MYOT: variants seen among roughly 807,000 people sequenced by gnomAD.
MYOT encodes myotilin, also known as 57 kDa cytoskeletal protein.
A neutral mutation model predicts 58.0 loss-of-function variants in MYOT; 36 were observed. The ratio of observed to expected loss-of-function variants is 0.62; its 90% CI spans 0.48 to 0.82. MYOT has a LOEUF of 0.82. Among genes scored for constraint, MYOT ranks in the 40% least tolerant of loss-of-function variants. The probability of loss-of-function intolerance (pLI) is 0.00; values close to 1 mark genes in which losing one functional copy is unlikely to be tolerated. For synonymous variants in MYOT, 218 were observed against 204.6 expected (o/e 1.07, Z -0.56); for missense variants, 505 against 592.1 (o/e 0.85, Z 1.53).
At position 137,881,989 on chromosome 5, in the gene MYOT, AG is replaced by A. The variant is rs1755447927; in HGVS notation, c.704del (p.Gly235GlufsTer3). ...TSQVRSRSTS[R>X]GDVNDQDAIQ... ...TTCTTGTAGAAGTAGATCAACCTCA[AG>A]GGGAGATGTGAATGATCAGGATGCA... On this transcript the variant is annotated frameshift_variant, in exon 6 of 10. Coordinates refer to ENST00000239926, the MANE Select transcript of MYOT (RefSeq NM_006790.3). LOFTEE classifies it high-confidence loss of function. 6.2e-7 allele frequency: 1 copy of A among 1,614,060 alleles called. No homozygotes were observed. The highest frequency in any genetic ancestry group is 1.3e-5 in the African/African-American group (1 of 75,074).
intron 6 of MYOT, 199 bp from the exon 7 acceptor site, chr5:137,883,185 T>A (rs774572811): frequency 8.2e-5 from 47 of 576,344 alleles, no homozygotes; most frequent in Non-Finnish European, 1.4e-4. Context: ...TGAGACAGTC[T>A]AAAAATACTA....
At chr5:137,885,976 A>ATAATACCTTGG in intron 7 of MYOT, 72 bp from the exon 8 acceptor site, 1 of 1,053,082 alleles carries the variant, frequency 9.5e-7, no homozygotes, top group Non-Finnish European at 1.4e-6. Context: ...TACAAATTTC[A>ATAATACCTTGG]TAATACCTTG....
In MYOT at chr5:137,870,542, T is replaced by C. The variant is rs1755012441; in HGVS notation, c.-110T>C. 2.0e-6 allele frequency: 2 copies of C among 988,242 alleles called. No homozygotes were observed. The highest frequency in any genetic ancestry group is 2.6e-5 in the South Asian group (2 of 78,028). 61.2% of individuals were successfully genotyped at this position (988,242 alleles called of 1,614,324 possible). A position where few individuals can be genotyped will look rare whatever the true frequency, so the allele number is the denominator to read the frequency against. On this transcript the variant is annotated 5_prime_UTR_variant, in exon 2 of 10. Coordinates refer to ENST00000239926, the MANE Select transcript of MYOT (RefSeq NM_006790.3). ...CAGACCAAGGTTGCTTCTGATTCCT[T>C]ACAACCTTCCGTAATTCCAGGCTTG...
In MYOT at chr5:137,886,190, A is replaced by G. The variant is rs774149129; in HGVS notation, c.1167A>G (p.Val389=). ...TCTGGAAAAGAAATAATGAAATGGT[A>G]CAATTCAACACTGACCGAATAAGGT... ...KLFWKRNNEM[V]QFNTDRISLY... is the part of the protein sequence containing the mutation. The change falls in exon 8 of 10, where the codon GTA becomes GTG. Residue 389 remains valine (V), a synonymous_variant. Transcript: ENST00000239926. 1.9e-6 allele frequency: 3 copies of G among 1,611,076 alleles called. No individual in the cohort carries two copies. In the Admixed American group the frequency reaches 5.0e-5, roughly 27 times the overall value.
chr5:137,887,247 G>A lies in MYOT; in HGVS notation c.1359G>A (p.Gln453=). 6.2e-7 allele frequency: 1 copy of A among 1,614,048 alleles called. No individual in the cohort carries two copies. The change falls in exon 10 of 10, where the codon CAG becomes CAA. Residue 453 remains glutamine, a synonymous_variant. Coordinates refer to ENST00000239926, the MANE Select transcript of MYOT (RefSeq NM_006790.3). ...RPNQTLPAPK[Q]LRVRPTFSKY... ...ACCAAACTCTTCCAGCTCCTAAGCA[G>A]TTACGGGTTCGACCAACATTCAGCA...
chr5:137,870,331 G>A (rs1326123299), intron 1 of MYOT, 110 bp from the exon 2 acceptor site: 2 of 294,746 alleles, frequency 6.8e-6, no homozygotes, highest in Non-Finnish European at 6.3e-6. Flanking sequence ...ACACACAAAA[G>A]GAAGGAAGGA....
intron 4 of MYOT, among the ~76,000 whole-genome samples, chr5:137,879,958 AC>A (rs1755371642): frequency 6.6e-6 from 1 of 152,150 alleles, no homozygotes; most frequent in African/African-American, 2.4e-5. Flanking sequence ...AAAAATTGTT[AC>A]AGAGTTGTAA....
intron 1 of MYOT, among the ~76,000 whole-genome samples, chr5:137,868,642 CTG>C (rs1451379132): frequency 1.3e-5 from 2 of 152,100 alleles, no homozygotes; most frequent in African/African-American, 4.8e-5. Flanking sequence ...AAAAAGAGAA[CTG>C]TTTCTGGAAA....
chr5:137,887,083 T>C, intron 9 of MYOT, 86 bp downstream of exon 9: 3 of 1,553,602 alleles, frequency 1.9e-6, no homozygotes, highest in South Asian at 1.1e-5. Context: ...GAGTATAAAA[T>C]TTGAGATATT....
rs551148970 is a variant in MYOT, at chr5:137,880,689, T to C, written c.634-127T>C. 22 of 764,240 alleles carry C rather than the reference T, an allele frequency of 2.9e-5. No individual in the cohort carries two copies. In the African/African-American group the frequency reaches 3.1e-4, roughly 11 times the overall value. 47.3% of individuals were successfully genotyped at this position (764,240 alleles called of 1,614,324 possible). A position where few individuals can be genotyped will look rare whatever the true frequency, so the allele number is the denominator to read the frequency against. ...TTTAAGGGCTTAAAAGCTGAATATA[T>C]AGAACTTACCAGGGCTGTTCAAATA... On this transcript the variant is annotated intron_variant, in intron 4 of 9. Coordinates refer to ENST00000239926, the MANE Select transcript of MYOT (RefSeq NM_006790.3).
chr5:137,879,103 T>A (rs1755328815), intron 4 of MYOT, among the ~76,000 whole-genome samples: 1 of 152,162 alleles, frequency 6.6e-6, no homozygotes, highest in African/African-American at 2.4e-5. Context: ...CTGGCTAGTT[T>A]TTGTATTTTT....
chr5:137,877,369 A>G (rs1233615702), intron 3 of MYOT, 151 bp from the exon 4 acceptor site: 11 of 195,968 alleles, frequency 5.6e-5, no homozygotes, highest in African/African-American at 3.0e-4. Flanking sequence ...CTCCGTCTCA[A>G]AAAAAAAAAA....
At chr5:137,877,191 AC>A (rs1755254332) in intron 3 of MYOT, among the ~76,000 whole-genome samples, 1 of 151,966 alleles carries the variant, frequency 6.6e-6, no homozygotes, top group African/African-American at 2.4e-5. Flanking sequence ...ACACAGTGAA[AC>A]CCCGTCTCTA....
intron 4 of MYOT, among the ~76,000 whole-genome samples, chr5:137,879,394 T>G (rs918528181): frequency 6.6e-6 from 1 of 152,118 alleles, no homozygotes; most frequent in Non-Finnish European, 1.5e-5. Context: ...CTAATTTACA[T>G]GGAGAACCTA....
intron 2 of MYOT, among the ~76,000 whole-genome samples, chr5:137,873,415 T>C (rs1355167453): frequency 6.6e-6 from 1 of 151,444 alleles, no homozygotes; most frequent in Admixed American, 6.6e-5. Flanking sequence ...GCACCTATAA[T>C]CCCAGCTACC....
At chr5:137,877,662 C>A (rs1311920135) in intron 4 of MYOT, 41 bp downstream of exon 4, 3 of 1,386,948 alleles carry the variant, frequency 2.2e-6, no homozygotes, top group South Asian at 1.2e-5. Flanking sequence ...TTATTCTGTG[C>A]GATTTTTAAA....
intron 2 of MYOT, among the ~76,000 whole-genome samples, chr5:137,874,256 C>T (rs748830775): frequency 1.8e-4 from 27 of 152,116 alleles, no homozygotes; most frequent in Non-Finnish European, 3.2e-4. Context: ...TACCAGAGGT[C>T]AGCAGTTTGA....
intron 8 of MYOT, 81 bp from the exon 9 acceptor site, chr5:137,886,783 C>T (rs780561328): frequency 5.9e-6 from 6 of 1,022,244 alleles, no homozygotes; most frequent in South Asian, 2.7e-5. Flanking sequence ...TTTTTTTCTT[C>T]CTAGTCTGAC....
chr5:137,870,971 A>G lies in MYOT; in HGVS notation c.320A>G (p.Tyr107Cys), dbSNP rs1755032507. 6.2e-7 allele frequency: 1 copy of G among 1,614,184 alleles called. No homozygotes were observed. Among genetic ancestry groups the G allele is most frequent in the Non-Finnish European group, 8.5e-7 (1 of 1,180,010 alleles). Residue 107 changes from tyrosine (Y) to cysteine (C), a missense_variant, in exon 2 of 10, where the codon TAC (tyrosine) becomes TGC (cysteine). Coordinates refer to ENST00000239926, the MANE Select transcript of MYOT (RefSeq NM_006790.3). Reference sequence around the variant, plus strand: ...TCCATATTACCATCACAGCCTGATTACAATAGCAGTAAAATCCCTTCCGCT... The same window carrying G: ...TCCATATTACCATCACAGCCTGATTGCAATAGCAGTAAAATCCCTTCCGCT... ...LSSILPSQPD[Y>C]NSSKIPSAMD... is the part of the protein sequence containing the mutation.
Sources: allele counts gnomAD v4.1 joint callset (sites outside exome capture counted in the v4.1 genomes callset), GRCh38; gene constraint gnomAD v4.1.1; transcripts MANE v1.5; gene names NCBI Gene and HGNC (gene_info 2026-07-23, HGNC 2026-07-21).